The following NRXN1 variants were observed in gnomAD, a reference collection of about 807,000 sequenced individuals.
NRXN1 encodes the protein neurexin 1.
NRXN1 carries 39 observed loss-of-function variants against 150.9 expected under a neutral mutation model. That is an observed-to-expected ratio of 0.26 (90% CI 0.20 to 0.34). The LOEUF is 0.34. Among genes scored for constraint, NRXN1 ranks in the 10% least tolerant of loss-of-function variants. The pLI, the probability that NRXN1 is intolerant of heterozygous loss-of-function variation, is 1.00. For synonymous variants in NRXN1, 924 were observed against 757.0 expected (o/e 1.22, Z -3.62); for missense variants, 1,815 against 1,949.9 (o/e 0.93, Z 1.30).
chr2:50,221,047 GTTTGT>G (rs1305413904), intron 18 of NRXN1, among the ~76,000 whole-genome samples: 2 of 151,962 alleles, frequency 1.3e-5, no homozygotes, highest in Non-Finnish European at 2.9e-5. Flanking sequence ...GTGCTCCTCT[GTTTGT>G]TTTGTATTGG....
At chr2:50,662,480 A>G (rs1450662164) in intron 5 of NRXN1, among the ~76,000 whole-genome samples, 1 of 152,062 alleles carries the variant, frequency 6.6e-6, no homozygotes, top group Non-Finnish European at 1.5e-5. Flanking sequence ...GTTTAGGGTA[A>G]GCTTCTCCAA....
chr2:50,112,761 A>G (rs1463209840), intron 18 of NRXN1, among the ~76,000 whole-genome samples: 1 of 152,206 alleles, frequency 6.6e-6, no homozygotes, highest in African/African-American at 2.4e-5. Flanking sequence ...TACCTGCCTC[A>G]GAGGTCAAGG....
intron 18 of NRXN1, among the ~76,000 whole-genome samples, chr2:50,211,312 T>C (rs896519165): frequency 6.6e-6 from 1 of 151,652 alleles, no homozygotes; most frequent in African/African-American, 2.4e-5. Flanking sequence ...ATTTATATCA[T>C]TTTGATATCA....
intron 2 of NRXN1, among the ~76,000 whole-genome samples, chr2:51,020,216 T>C (rs533892037): frequency 6.6e-6 from 1 of 151,964 alleles, no homozygotes; most frequent in South Asian, 2.1e-4. Context: ...AAAGGTACCT[T>C]TATCCCAACC....
chr2:50,707,431 G>A lies in NRXN1; in HGVS notation c.833-83816C>T, dbSNP rs547000135. On this transcript the variant is annotated intron_variant, in intron 5 of 22. Coordinates refer to ENST00000401669, the MANE Select transcript of NRXN1 (RefSeq NM_001330078.2). Reference sequence around the variant, plus strand: ...GTAGAAATGTGAGTTATGTTCAGCTGCAGTAGATTCCTTTCAGGCAGTTCT... The same window carrying A: ...GTAGAAATGTGAGTTATGTTCAGCTACAGTAGATTCCTTTCAGGCAGTTCT... Among the ~76,000 whole-genome samples, 8 of 152,292 alleles carry A rather than the reference G, an allele frequency of 5.3e-5. No homozygotes were observed. In the East Asian group the frequency reaches 1.4e-3, roughly 26 times the overall value.
intron 18 of NRXN1, among the ~76,000 whole-genome samples, chr2:50,201,788 G>C (rs12478603): frequency 0.28 from 42,409 of 152,128 alleles, 6,558 homozygotes; most frequent in East Asian, 0.41. Context: ...CCAAGTTTCT[G>C]ACCCTGGCTA....
intron 5 of NRXN1, among the ~76,000 whole-genome samples, chr2:50,630,024 A>G (rs1056533651): frequency 2.6e-5 from 4 of 151,656 alleles, no homozygotes; most frequent in Non-Finnish European, 5.9e-5. Context: ...CATCTTTCCA[A>G]TAGTCTACAA....
intron 5 of NRXN1, among the ~76,000 whole-genome samples, chr2:50,882,048 A>G (rs2103701633): frequency 6.6e-6 from 1 of 152,070 alleles, no homozygotes; most frequent in African/African-American, 2.4e-5. Flanking sequence ...CTACTTTTCA[A>G]TAAAACAACC....
At chr2:50,295,364 T>C (rs1048622608) in intron 17 of NRXN1, among the ~76,000 whole-genome samples, 8 of 152,216 alleles carry the variant, frequency 5.3e-5, no homozygotes, top group African/African-American at 1.9e-4. Context: ...AAATTTTTTA[T>C]GAAAGATCAT....
chr2:50,865,762 G>A (rs1292419372), intron 5 of NRXN1, among the ~76,000 whole-genome samples: 1 of 143,842 alleles, frequency 7.0e-6, no homozygotes, highest in Admixed American at 7.2e-5. Flanking sequence ...GTGGTGGGGG[G>A]ATGTACATAC....
intron 2 of NRXN1, among the ~76,000 whole-genome samples, chr2:51,011,925 T>C (rs957250013): frequency 3.3e-5 from 5 of 151,990 alleles, no homozygotes; most frequent in African/African-American, 1.2e-4. Flanking sequence ...GAGCCTAAAA[T>C]AGCATAATAT....
At chr2:50,673,567 T>C (rs1049821631) in intron 5 of NRXN1, among the ~76,000 whole-genome samples, 2 of 152,142 alleles carry the variant, frequency 1.3e-5, no homozygotes, top group African/African-American at 2.4e-5. Context: ...GTAGGAATCA[T>C]GGCTGGGTGT....
chr2:50,762,480 T>C (rs968365153), intron 5 of NRXN1, among the ~76,000 whole-genome samples: 30 of 151,978 alleles, frequency 2.0e-4, no homozygotes, highest in Non-Finnish European at 4.1e-4. Flanking sequence ...TTTTCAACTC[T>C]TGCCCCATTC....
At chr2:50,080,839 G>A (rs1465067527) in intron 19 of NRXN1, among the ~76,000 whole-genome samples, 1 of 152,088 alleles carries the variant, frequency 6.6e-6, no homozygotes, top group Non-Finnish European at 1.5e-5. Context: ...GGTTAGTAAA[G>A]GGCAGCCACA....
chr2:50,651,472 A>AACATAACATG (rs752774417), intron 5 of NRXN1, among the ~76,000 whole-genome samples: 125 of 149,608 alleles, frequency 8.4e-4, no homozygotes, highest in African/African-American at 3.0e-3. Flanking sequence ...AACATAACGT[A>AACATAACATG]ACATGACATG....
At chr2:50,908,782 C>G (rs1684099991) in intron 5 of NRXN1, among the ~76,000 whole-genome samples, 1 of 151,890 alleles carries the variant, frequency 6.6e-6, no homozygotes, top group Non-Finnish European at 1.5e-5. Flanking sequence ...ATAAGGTCAT[C>G]AGTATGGAGC....
chr2:50,369,436 T>C (rs1267748869), intron 17 of NRXN1, among the ~76,000 whole-genome samples: 1 of 152,018 alleles, frequency 6.6e-6, no homozygotes. Flanking sequence ...TATTCTTCCA[T>C]GCCAAATCAC....
At chr2:50,799,997 TA>T (rs1707368930) in intron 5 of NRXN1, among the ~76,000 whole-genome samples, 1 of 152,146 alleles carries the variant, frequency 6.6e-6, no homozygotes, top group Non-Finnish European at 1.5e-5. Context: ...GCTGTGCACA[TA>T]ATTTGTGGAA....
chr2:50,698,623 C>T (rs1005353024), intron 5 of NRXN1, among the ~76,000 whole-genome samples: 2 of 152,100 alleles, frequency 1.3e-5, no homozygotes, highest in Non-Finnish European at 1.5e-5. Context: ...ATACAACAAA[C>T]ATAAACTTCT....
Sources: gnomAD v4.1 joint callset for allele counts (sites outside exome capture counted in the v4.1 genomes callset) on GRCh38, gnomAD v4.1.1 for gene constraint, MANE v1.5 for transcripts, NCBI Gene and HGNC (gene_info 2026-07-23, HGNC 2026-07-21) for gene names.